Variants in HECTD4 observed in about 807,000 individuals in gnomAD.
HECTD4 encodes probable E3 ubiquitin-protein ligase HECTD4.
Under a neutral mutation model 471.5 loss-of-function variants are expected in HECTD4, and 114 were observed. The ratio of observed to expected loss-of-function variants is 0.24; its 90% CI spans 0.21 to 0.28. The LOEUF (loss-of-function observed/expected upper bound fraction) is 0.28, where lower values mean the gene tolerates loss of function less well. Among genes scored for constraint, HECTD4 ranks in the 10% least tolerant of loss-of-function variants. The pLI is 1.00. For missense variants in HECTD4, 3,866 were observed against 5,651.5 expected (o/e 0.68, Z 10.13); for synonymous variants, 2,012 against 2,256.0 (o/e 0.89, Z 3.07).
At chr12:112,183,377 A>G in intron 61 of HECTD4, 111 bp from the exon 62 acceptor site, 1 of 845,592 alleles carries the variant, frequency 1.2e-6, no homozygotes, top group Non-Finnish European at 1.9e-6. Context: ...ATCTGCAGAG[A>G]TGTGAAAGCT....
At position 112,173,584 on chromosome 12, in the gene HECTD4, C is replaced by T. The variant is rs901735361; in HGVS notation, c.11595-723G>A. Among the ~76,000 whole-genome samples the T allele has an allele frequency of 1.3e-5, 2 of 151,516 alleles. No homozygotes were observed. The highest frequency in any genetic ancestry group is 2.9e-5 in the Non-Finnish European group (2 of 67,908). The stretch of plus-strand genomic sequence containing the variant: ...TTTTTTTTTGTATTTTTAGTAGAGA[C>T]GAGGTTTCACCGTGTTAGCCAGGAT... On this transcript the variant is annotated intron_variant, in intron 66 of 75. Coordinates refer to ENST00000682272, the MANE Select transcript of HECTD4 (RefSeq NM_001388303.1). The surrounding 1 kb of genome is among the most constrained non-coding windows in gnomAD (Gnocchi z 4.3).
intron 1 of HECTD4, among the ~76,000 whole-genome samples, chr12:112,327,878 C>A (rs2035776765): frequency 6.6e-6 from 1 of 152,134 alleles, no homozygotes; most frequent in Admixed American, 6.5e-5. Context: ...AAAGACCCTG[C>A]AGATATTGGG....
chr12:112,271,608 C>T (rs1199626430), intron 11 of HECTD4, among the ~76,000 whole-genome samples: 2 of 152,152 alleles, frequency 1.3e-5, no homozygotes, highest in African/African-American at 4.8e-5. Context: ...AAATGTGTGA[C>T]CAGTACTCCC....
intron 29 of HECTD4, among the ~76,000 whole-genome samples, chr12:112,246,613 C>A (rs772977380): frequency 6.6e-6 from 1 of 151,800 alleles, no homozygotes; most frequent in Non-Finnish European, 1.5e-5. Context: ...CTAGTCTGGG[C>A]GACAGAGTGA....
chr12:112,247,977 TACACACAC>T, intron 27 of HECTD4, 82 bp downstream of exon 27: 9 of 676,830 alleles, frequency 1.3e-5, no homozygotes, highest in Admixed American at 6.8e-5. Context: ...TTATTTTACC[TACACACAC>T]ACACACACAC....
In HECTD4 at chr12:112,184,220, G is replaced by C; in HGVS notation, c.10746C>G (p.Ala3582=). 6.2e-7 allele frequency: 1 copy of C among 1,612,820 alleles called. No homozygotes were observed. Among genetic ancestry groups the C allele is most frequent in the Non-Finnish European group, 8.5e-7 (1 of 1,179,482 alleles). The change falls in exon 61 of 76, where the codon GCC becomes GCG. Residue 3582 remains alanine (A), a synonymous_variant. Transcript: ENST00000682272. The surrounding 1 kb of genome is among the most constrained non-coding windows in gnomAD (Gnocchi z 9.1). The stretch of plus-strand genomic sequence containing the variant: ...CTGCGAAGCCTTTGATGGGGCGGGC[G>C]GCGAGGGGCTGGTTGTCCAGGGAAG... The part of the protein sequence containing the change: ...TVTSLDNQPL[A]ARPIKGFAVV...
intron 1 of HECTD4, among the ~76,000 whole-genome samples, chr12:112,349,885 T>C (rs1165105122): frequency 6.6e-6 from 1 of 152,184 alleles, no homozygotes; most frequent in Non-Finnish European, 1.5e-5. Flanking sequence ...GGGAACACAT[T>C]GAATAATTTT....
At chr12:112,226,822 T>C (rs1464347921) in intron 43 of HECTD4, 64 bp from the exon 44 acceptor site, 1 of 1,200,916 alleles carries the variant, frequency 8.3e-7, no homozygotes, top group East Asian at 2.5e-5. Flanking sequence ...AAAAGTCAAC[T>C]GTGAAAAACA....
rs1189160506 is a variant in HECTD4 at position 112,185,259 on chromosome 12, C to T, written c.9707G>A (p.Cys3236Tyr). ...GGCCGCCGCCCCCCCGGAGCCCCCG[C>T]AGGCGCCGCCTGAGACCCAGTTCTG... ...ETQNWVSGGA[C>Y]GGSGGAAAGD... Residue 3236 changes from cysteine to tyrosine, a missense_variant, in exon 61 of 76, where the codon TGC (cysteine) becomes TAC (tyrosine). Coordinates refer to ENST00000682272, the MANE Select transcript of HECTD4 (RefSeq NM_001388303.1). 2 of 1,549,872 alleles carry T rather than the reference C, an allele frequency of 1.3e-6. No homozygotes were observed. The highest frequency in any genetic ancestry group is 8.7e-7 in the Non-Finnish European group (1 of 1,146,440).
chr12:112,290,866 A>AC (rs201884790), intron 7 of HECTD4, among the ~76,000 whole-genome samples: 4,902 of 149,660 alleles, frequency 0.033, 469 homozygotes, highest in African/African-American at 0.11. Context: ...AACAAAACAA[A>AC]AAAAAAAAAC....
intron 59 of HECTD4, among the ~76,000 whole-genome samples, chr12:112,192,257 T>G (rs528587442): frequency 6.6e-6 from 1 of 152,322 alleles, no homozygotes; most frequent in South Asian, 2.1e-4. Flanking sequence ...GCTGTAAGGA[T>G]GTGATTGCTC....
chr12:112,238,982 A>T lies in HECTD4; in HGVS notation c.5290+70T>A, dbSNP rs1398804962. 5.6e-6 allele frequency: 8 copies of T among 1,435,478 alleles called. No individual in the cohort carries two copies. The African/African-American group carries it at 5.7e-5, about 10-fold the overall frequency. The allele number at this position is 1,435,478 out of a possible 1,614,324, so 88.9% of individuals were successfully genotyped here. On this transcript the variant is annotated intron_variant, in intron 34 of 75. Transcript: ENST00000682272. ...AGGCTTTCTCTCTTTCATTTAGCAT[A>T]AAAAAACCAATAAACTAACACACCA...
chr12:112,354,156 A>G lies in HECTD4; in HGVS notation c.177+27796T>C, dbSNP rs2036292608. Among the ~76,000 whole-genome samples, 5 of 152,096 alleles carry G rather than the reference A, an allele frequency of 3.3e-5. No individual in the cohort carries two copies. The South Asian group carries it at 1.0e-3, about 32-fold the overall frequency. On this transcript the variant is annotated intron_variant, in intron 1 of 75. Coordinates refer to ENST00000682272, the MANE Select transcript of HECTD4 (RefSeq NM_001388303.1). ...GGCGTGAACACAGCTCACCGCAGCC[A>G]CGACCTACCAGGCTCAAGCAATCCT... is the stretch of plus-strand genomic sequence containing the variant.
chr12:112,287,589 G>A (rs1293078436), intron 7 of HECTD4, among the ~76,000 whole-genome samples: 1 of 152,106 alleles, frequency 6.6e-6, no homozygotes, highest in African/African-American at 2.4e-5. Context: ...GAACAAAACA[G>A]AAGTGAGGAT....
In HECTD4 at chr12:112,203,710, C is replaced by G; in HGVS notation, c.8332G>C (p.Ala2778Pro). Reference sequence around the variant, plus strand: ...CCTCGGATGGCAAATTTTGGCAGAGCAGTTCCAACAGCACTGCTGGCTACA... The same window carrying G: ...CCTCGGATGGCAAATTTTGGCAGAGGAGTTCCAACAGCACTGCTGGCTACA... The part of the protein sequence containing the change: ...NNVASSAVGT[A>P]LPKFAIRGML... The change falls in exon 54 of 76, where the codon GCT becomes CCT. Residue 2778 changes from alanine (A) to proline (P), a missense_variant. Transcript: ENST00000682272. 1 of 1,612,812 alleles carries G rather than the reference C, an allele frequency of 6.2e-7. No individual in the cohort carries two copies. The highest frequency in any genetic ancestry group is 8.5e-7 in the Non-Finnish European group (1 of 1,179,272).
At chr12:112,340,455 A>G (rs569024250) in intron 1 of HECTD4, among the ~76,000 whole-genome samples, 1 of 152,158 alleles carries the variant, frequency 6.6e-6, no homozygotes, top group East Asian at 1.9e-4. Context: ...TCTCCCATTG[A>G]GGTAGGAGGG....
chr12:112,237,967 T>G (rs780065846), intron 34 of HECTD4, among the ~76,000 whole-genome samples: 1 of 152,124 alleles, frequency 6.6e-6, no homozygotes, highest in African/African-American at 2.4e-5. Flanking sequence ...TTGGTCAGGC[T>G]GGTCTCGAAC....
At chr12:112,345,826 C>T (rs959791652) in intron 1 of HECTD4, among the ~76,000 whole-genome samples, 7 of 152,144 alleles carry the variant, frequency 4.6e-5, no homozygotes, top group Non-Finnish European at 8.8e-5. Context: ...ACCCGGGAGG[C>T]AGAGCTTGCA....
chr12:112,365,665 T>C (rs1040381936), intron 1 of HECTD4, among the ~76,000 whole-genome samples: 4 of 151,718 alleles, frequency 2.6e-5, no homozygotes, highest in African/African-American at 9.7e-5. Flanking sequence ...TGCAGGCATA[T>C]AATTGTACTC....
Sources: allele counts gnomAD v4.1 joint callset (sites outside exome capture counted in the v4.1 genomes callset), GRCh38; gene constraint gnomAD v4.1.1; non-coding constraint Gnocchi (gnomAD v3.1); transcripts MANE v1.5; gene names NCBI Gene and HGNC (gene_info 2026-07-23, HGNC 2026-07-21).